The following PASD1 variants were observed in gnomAD, a reference collection of about 807,000 sequenced individuals.
PASD1 encodes circadian clock protein PASD1.
In PASD1, 13 loss-of-function variants were observed where a neutral mutation model predicts 58.8. The ratio of observed to expected loss-of-function variants is 0.22; its 90% CI spans 0.14 to 0.35. The LOEUF (loss-of-function observed/expected upper bound fraction) is 0.35, where lower values mean the gene tolerates loss of function less well. Among genes scored for constraint, PASD1 ranks in the 10% least tolerant of loss-of-function variants. The pLI is 1.00. For synonymous variants in PASD1, 236 were observed against 216.7 expected (o/e 1.09, Z -0.78); for missense variants, 734 against 568.3 (o/e 1.29, Z -2.96).
In PASD1 at chrX:151,672,181, A is replaced by G. The variant is rs776794738; in HGVS notation, c.1438-2A>G. The G allele has an allele frequency of 8.7e-7, 1 of 1,146,179 alleles. No homozygotes were observed. Among genetic ancestry groups the G allele is most frequent in the South Asian group, 2.0e-5 (1 of 49,312 alleles). The allele number at this position is 1,146,179 out of a possible 1,213,427, so 94.5% of individuals were successfully genotyped here. On this transcript the variant is annotated splice_acceptor_variant, in intron 13 of 15. Transcript: ENST00000370357. LOFTEE classifies it high-confidence loss of function. Reference sequence around the variant, plus strand: ...GCTTTTATCTGTTGCCTTTCGATGCAGCAGCAACTGGTGCAGCAAGAACAA... The same window carrying G: ...GCTTTTATCTGTTGCCTTTCGATGCGGCAGCAACTGGTGCAGCAAGAACAA...
Position 151,672,185 on chromosome X carries a change from G to A in PASD1, c.1440G>A (p.Gln480=), listed in dbSNP as rs2014480911. 1 of 1,146,375 alleles carries A rather than the reference G, an allele frequency of 8.7e-7. No individual in the cohort carries two copies. Among genetic ancestry groups the A allele is most frequent in the African/African-American group, 1.8e-5 (1 of 54,360 alleles). 94.5% of individuals were successfully genotyped at this position (1,146,375 alleles called of 1,213,427 possible). ...TTATCTGTTGCCTTTCGATGCAGCA[G>A]CAACTGGTGCAGCAAGAACAACACC... ...LQEPCVAFNQ[Q]QLVQQEQHLK... Residue 480 remains glutamine, a splice_region_variant and synonymous_variant, in exon 14 of 16, where the codon CAG becomes CAA. Transcript: ENST00000370357.
intron 10 of PASD1, among the ~76,000 whole-genome samples, chrX:151,663,070 T>C (rs1343221551): frequency 1.8e-5 from 2 of 112,225 alleles, no homozygotes; most frequent in Non-Finnish European, 3.8e-5. Context: ...TTCAATTTTA[T>C]ATACAGTAAA....
At chrX:151,587,777 C>T (rs991009079) in intron 1 of PASD1, among the ~76,000 whole-genome samples, 11 of 111,514 alleles carry the variant, frequency 9.9e-5, no homozygotes, top group African/African-American at 3.6e-4. Flanking sequence ...CCTTTCCTGG[C>T]GTATTGTGTG....
intron 1 of PASD1, among the ~76,000 whole-genome samples, chrX:151,565,640 C>G (rs2012828569): frequency 9.5e-6 from 1 of 105,518 alleles, no homozygotes; most frequent in African/African-American, 3.6e-5. Context: ...TCACTGCAAG[C>G]TCCACCTGCC....
intron 8 of PASD1, among the ~76,000 whole-genome samples, chrX:151,637,280 T>C (rs142175116): frequency 4.6e-4 from 52 of 112,684 alleles, no homozygotes; most frequent in Middle Eastern, 9.2e-3. Flanking sequence ...AGTAATTGTA[T>C]GTTCAACTTT....
chrX:151,631,371 C>T (rs1304417746), intron 8 of PASD1, among the ~76,000 whole-genome samples: 4 of 111,024 alleles, frequency 3.6e-5, no homozygotes, highest in Non-Finnish European at 5.7e-5. Flanking sequence ...GAGCTGTGGC[C>T]GGTATGTGAT....
chrX:151,595,737 A>G (rs903811369), intron 1 of PASD1, among the ~76,000 whole-genome samples: 1 of 109,854 alleles, frequency 9.1e-6, no homozygotes, highest in Non-Finnish European at 1.9e-5. Context: ...AAAACACAAC[A>G]AAAAACAAAA....
chrX:151,659,928 T>C (rs2014290140), intron 10 of PASD1, 92 bp downstream of exon 10: 4 of 836,579 alleles, frequency 4.8e-6, no homozygotes, highest in Middle Eastern at 3.1e-4. Flanking sequence ...TATAATGCTC[T>C]ATAATACTGT....
intron 8 of PASD1, among the ~76,000 whole-genome samples, chrX:151,639,946 C>T (rs2013977909): frequency 8.9e-6 from 1 of 112,146 alleles, no homozygotes. Context: ...ACAGCCAACA[C>T]AGGCCATTAG....
intron 1 of PASD1, among the ~76,000 whole-genome samples, chrX:151,583,023 C>G (rs1202424975): frequency 1.8e-5 from 2 of 111,534 alleles, no homozygotes; most frequent in Non-Finnish European, 3.8e-5. Flanking sequence ...CGTGCTTAGT[C>G]CTAGTGAGCT....
chrX:151,600,289 G>A (rs1230188012), intron 1 of PASD1, among the ~76,000 whole-genome samples: 2 of 107,803 alleles, frequency 1.9e-5, no homozygotes, highest in Non-Finnish European at 3.8e-5. Flanking sequence ...GAGGGAGACC[G>A]TGCAAAGAGG....
intron 1 of PASD1, among the ~76,000 whole-genome samples, chrX:151,567,824 C>T (rs1050728772): frequency 1.3e-4 from 15 of 112,051 alleles, no homozygotes; most frequent in African/African-American, 4.5e-4. Flanking sequence ...CGGGCTCAAG[C>T]GATCCTCTCA....
chrX:151,627,893 C>T (rs1262048531), intron 8 of PASD1, among the ~76,000 whole-genome samples: 1 of 111,513 alleles, frequency 9.0e-6, no homozygotes, highest in Non-Finnish European at 1.9e-5. Flanking sequence ...TAATGATCGC[C>T]ATTCTAACTG....
At chrX:151,627,663 A>C (rs2013807439) in intron 8 of PASD1, among the ~76,000 whole-genome samples, 1 of 111,767 alleles carries the variant, frequency 8.9e-6, no homozygotes, top group African/African-American at 3.3e-5. Context: ...CGCAGTAAAC[A>C]TATGTGTGCA....
chrX:151,594,702 C>A (rs1403640377), intron 1 of PASD1, among the ~76,000 whole-genome samples: 1 of 112,154 alleles, frequency 8.9e-6, no homozygotes, highest in Non-Finnish European at 1.9e-5. Flanking sequence ...GATAAACATT[C>A]TTTTATATTT....
intron 9 of PASD1, among the ~76,000 whole-genome samples, chrX:151,657,261 A>G (rs2014254024): frequency 8.9e-6 from 1 of 111,920 alleles, no homozygotes; most frequent in Non-Finnish European, 1.9e-5. Context: ...TCTGTTTGCC[A>G]GTATTTTATT....
intron 10 of PASD1, 58 bp downstream of exon 10, chrX:151,659,894 G>C (rs548150823): frequency 5.5e-6 from 6 of 1,100,167 alleles, no homozygotes; most frequent in Middle Eastern, 5.1e-4. Context: ...TGACCCCCAG[G>C]GTAGTTACAG....
At chrX:151,650,602 T>A (rs764166167) in intron 9 of PASD1, among the ~76,000 whole-genome samples, 21 of 111,940 alleles carry the variant, frequency 1.9e-4, no homozygotes, top group African/African-American at 6.8e-4. Flanking sequence ...CTGTATAATA[T>A]TCCATGAAAT....
At position 151,676,049 on chromosome X, in the gene PASD1, A is replaced by G; in HGVS notation, c.2228A>G (p.Gln743Arg). 1 of 1,211,213 alleles carries G rather than the reference A, an allele frequency of 8.3e-7. No homozygotes were observed. The highest frequency in any genetic ancestry group is 1.7e-5 in the African/African-American group (1 of 57,813). ...GGACCTCCTGATCCACAGGCTTTCC[A>G]AGGCCCTGCTGCATACCAGCCAGAC... ...VEGPPDPQAF[Q>R]GPAAYQPDQM... The change falls in exon 16 of 16, where the codon CAA becomes CGA. Residue 743 changes from glutamine to arginine, a missense_variant. By Grantham distance (43) the Gln-to-Arg change is conservative (BLOSUM62 1). Transcript: ENST00000370357.
Sources: gnomAD v4.1 joint callset for allele counts (sites outside exome capture counted in the v4.1 genomes callset) on GRCh38, gnomAD v4.1.1 for gene constraint, MANE v1.5 for transcripts, NCBI Gene and HGNC (gene_info 2026-07-23, HGNC 2026-07-21) for gene names.